The following FMN1 variants were observed in gnomAD, a reference collection of about 807,000 sequenced individuals.
FMN1 encodes the protein formin-1.
FMN1 carries 110 observed loss-of-function variants against 132.4 expected under a neutral mutation model. The observed-to-expected ratio is 0.83, with a 90% CI of 0.71 to 0.97. The LOEUF (loss-of-function observed/expected upper bound fraction) is 0.97, where lower values mean the gene tolerates loss of function less well. Among genes scored for constraint, FMN1 ranks in the 50% least tolerant of loss-of-function variants. FMN1 has a pLI of 0.00. For synonymous variants in FMN1, 722 were observed against 651.7 expected (o/e 1.11, Z -1.64); for missense variants, 1,792 against 1,705.3 (o/e 1.05, Z -0.90).
intron 5 of FMN1, among the ~76,000 whole-genome samples, chr15:33,083,287 A>G (rs2038558573): frequency 6.6e-6 from 1 of 152,214 alleles, no homozygotes; most frequent in Non-Finnish European, 1.5e-5. Flanking sequence ...TTTTGTCCTC[A>G]GCTTCTGAAA....
At chr15:32,802,721 C>A (rs150671079) in intron 18 of FMN1, among the ~76,000 whole-genome samples, 2 of 152,324 alleles carry the variant, frequency 1.3e-5, no homozygotes, top group East Asian at 3.9e-4. Context: ...AATTTGACAT[C>A]CGCCCCAGAA....
chr15:33,064,826 A>G (rs1210618814), intron 6 of FMN1, 131 bp downstream of exon 6: 1 of 611,998 alleles, frequency 1.6e-6, no homozygotes, highest in Non-Finnish European at 2.8e-6. Context: ...CAGCAAAACC[A>G]AAAAGAAACC....
intron 17 of FMN1, among the ~76,000 whole-genome samples, chr15:32,839,901 C>A (rs1340002179): frequency 1.3e-5 from 2 of 151,692 alleles, no homozygotes; most frequent in East Asian, 3.9e-4. Flanking sequence ...ACTACAGGTA[C>A]ACTGAAGAAC....
chr15:32,788,238 C>G (rs1432250887), intron 19 of FMN1, among the ~76,000 whole-genome samples: 1 of 152,202 alleles, frequency 6.6e-6, no homozygotes, highest in African/African-American at 2.4e-5. Flanking sequence ...CAGAGCCGAC[C>G]CGGCGATTTA....
chr15:33,191,138 C>G (rs1459882029), intron 2 of FMN1, among the ~76,000 whole-genome samples: 1 of 151,258 alleles, frequency 6.6e-6, no homozygotes, highest in Non-Finnish European at 1.5e-5. Flanking sequence ...CCACTGCACT[C>G]CAGCCTGGGC....
intron 5 of FMN1, among the ~76,000 whole-genome samples, chr15:33,072,665 G>A (rs1332930135): frequency 1.3e-5 from 2 of 152,220 alleles, no homozygotes; most frequent in Non-Finnish European, 2.9e-5. Context: ...GCTCACGCCT[G>A]TAATCCCAGC....
intron 17 of FMN1, among the ~76,000 whole-genome samples, chr15:32,855,160 A>ACCACACTGGAATTACGTGGAGAGTT (rs2059099527): frequency 9.9e-6 from 1 of 100,646 alleles, no homozygotes; most frequent in African/African-American, 3.3e-5. Flanking sequence ...TGGAGAGTAA[A>ACCACACTGGAATTACGTGGAGAGTT]AAAAAAAAAA....
intron 6 of FMN1, among the ~76,000 whole-genome samples, chr15:33,048,219 A>G (rs1173516729): frequency 6.6e-6 from 1 of 152,170 alleles, no homozygotes; most frequent in Non-Finnish European, 1.5e-5. Flanking sequence ...AGCTTTTGAA[A>G]ATTGTTCAGT....
chr15:33,088,667 C>A, intron 5 of FMN1, 132 bp downstream of exon 5: 1 of 786,516 alleles, frequency 1.3e-6, no homozygotes, highest in Non-Finnish European at 1.9e-6. Flanking sequence ...TTCTGCAGCC[C>A]ACTGATTTTT....
At chr15:33,125,008 T>C (rs553074572) in intron 4 of FMN1, among the ~76,000 whole-genome samples, 2 of 152,134 alleles carry the variant, frequency 1.3e-5, no homozygotes, top group African/African-American at 4.8e-5. Flanking sequence ...ATGTATAAAA[T>C]CCCTTCTCGC....
chr15:32,938,706 C>T (rs1300314835), intron 9 of FMN1, among the ~76,000 whole-genome samples: 3 of 152,122 alleles, frequency 2.0e-5, no homozygotes, highest in African/African-American at 4.8e-5. Context: ...ACTTACCCTG[C>T]CAAGTATTTG....
intron 9 of FMN1, among the ~76,000 whole-genome samples, chr15:32,961,053 C>A (rs1191791929): frequency 1.4e-5 from 2 of 142,648 alleles, no homozygotes; most frequent in African/African-American, 2.6e-5. Flanking sequence ...ATATTACATA[C>A]TTTTCAAAAC....
chr15:33,137,066 C>T (rs1302556543), intron 4 of FMN1, among the ~76,000 whole-genome samples: 9 of 112,410 alleles, frequency 8.0e-5, no homozygotes, highest in Middle Eastern at 8.3e-3. Flanking sequence ...CCAGCCTGGG[C>T]GACAGAGCAA....
intron 4 of FMN1, among the ~76,000 whole-genome samples, chr15:33,145,331 C>T (rs941064612): frequency 6.6e-6 from 1 of 151,852 alleles, no homozygotes; most frequent in African/African-American, 2.4e-5. Context: ...AATAAAACCA[C>T]ACTGGATAAA....
At chr15:33,050,051 A>G (rs2036895707) in intron 6 of FMN1, among the ~76,000 whole-genome samples, 6 of 152,234 alleles carry the variant, frequency 3.9e-5, no homozygotes, top group Admixed American at 3.9e-4. Flanking sequence ...TAGATATTCA[A>G]CACTTTATTA....
intron 6 of FMN1, among the ~76,000 whole-genome samples, chr15:33,017,746 G>T (rs548183252): frequency 1.8e-4 from 27 of 152,286 alleles, no homozygotes; most frequent in Admixed American, 1.6e-3. Context: ...TACCGCTATG[G>T]TTTGAATGTT....
chr15:32,850,419 AG>A (rs2058982693), intron 17 of FMN1, among the ~76,000 whole-genome samples: 1 of 152,128 alleles, frequency 6.6e-6, no homozygotes, highest in South Asian at 2.1e-4. Context: ...TGCCCAACAT[AG>A]AAAGATGATT....
At chr15:33,075,509 G>T (rs1264373489) in intron 5 of FMN1, among the ~76,000 whole-genome samples, 2 of 152,282 alleles carry the variant, frequency 1.3e-5, no homozygotes, top group East Asian at 1.9e-4. Context: ...TTTGGGTGTT[G>T]CAGGGCCAGT....
intron 15 of FMN1, among the ~76,000 whole-genome samples, chr15:32,894,550 T>C (rs1275711118): frequency 6.6e-6 from 1 of 150,742 alleles, no homozygotes; most frequent in East Asian, 1.9e-4. Flanking sequence ...GCCAAGATAA[T>C]AGGTAATTCC....
Sources: allele counts gnomAD v4.1 joint callset (sites outside exome capture counted in the v4.1 genomes callset), GRCh38; gene constraint gnomAD v4.1.1; transcripts MANE v1.5; gene names NCBI Gene and HGNC (gene_info 2026-07-23, HGNC 2026-07-21).